Variants in CSMD1 observed in about 807,000 individuals in gnomAD.
The protein encoded by CSMD1 is CUB and sushi domain-containing protein 1.
A neutral mutation model predicts 417.5 loss-of-function variants in CSMD1; 213 were observed. The ratio of observed to expected loss-of-function variants is 0.51; its 90% confidence interval spans 0.46 to 0.57. The LOEUF (loss-of-function observed/expected upper bound fraction) is 0.57, where lower values mean the gene tolerates loss of function less well. CSMD1 is among the 20% of genes least tolerant of loss of function. The pLI, the probability that CSMD1 is intolerant of heterozygous loss-of-function variation, is 0.00. For missense variants in CSMD1, 6,923 were observed against 4,529.7 expected, an observed-to-expected ratio of 1.53 and a Z score of -15.17; for synonymous variants, 2,862 against 1,736.8, an observed-to-expected ratio of 1.65 and a Z score of -16.11.
chr8:4,701,696 A>T (rs918803342), intron 1 of CSMD1, among the ~76,000 whole-genome samples: 1 of 152,140 alleles, frequency 6.6e-6, no homozygotes, highest in Non-Finnish European at 1.5e-5. Context: ...TAAAAAAAAA[A>T]GTAGAGTGGT....
intron 2 of CSMD1, among the ~76,000 whole-genome samples, chr8:4,562,302 G>C (rs1356573208): frequency 6.6e-6 from 1 of 152,180 alleles, no homozygotes; most frequent in African/African-American, 2.4e-5. Context: ...TGGAGTGGAG[G>C]ACTCAGCAAG....
At chr8:4,553,117 C>T (rs1294664360) in intron 2 of CSMD1, among the ~76,000 whole-genome samples, 2 of 152,196 alleles carry the variant, frequency 1.3e-5, no homozygotes, top group Non-Finnish European at 2.9e-5. Flanking sequence ...TTTCGAGGTA[C>T]CTATGAGCCC....
At position 4,101,517 on chromosome 8, in the gene CSMD1, G is replaced by A. The variant is rs187345889; in HGVS notation, c.416-69418C>T. ...CAGTCACCCTGCAGTCACCAAATAT[G>A]CCGACCAGGAAACATACCTAAAAAA... On this transcript the variant is annotated intron_variant, in intron 3 of 69. Coordinates refer to ENST00000635120, the MANE Select transcript of CSMD1 (RefSeq NM_033225.6). Among the ~76,000 whole-genome samples the A allele has an allele frequency of 1.7e-3, 259 of 152,228 alleles. 2 individuals carry two copies. The highest frequency in any genetic ancestry group is 5.9e-3 in the African/African-American group (243 of 41,538).
chr8:4,895,697 T>C (rs1172038789), intron 1 of CSMD1, among the ~76,000 whole-genome samples: 2 of 152,034 alleles, frequency 1.3e-5, no homozygotes, highest in Admixed American at 6.5e-5. Context: ...TCCCTGATTT[T>C]TTTTTTTCTC....
At chr8:3,095,746 T>C (rs1324102738) in intron 47 of CSMD1, among the ~76,000 whole-genome samples, 2 of 152,200 alleles carry the variant, frequency 1.3e-5, no homozygotes, top group African/African-American at 4.8e-5. Flanking sequence ...CAGCCATAAT[T>C]GTAACTGGTC....
intron 1 of CSMD1, among the ~76,000 whole-genome samples, chr8:4,766,894 T>A (rs2117125775): frequency 6.6e-6 from 1 of 152,324 alleles, no homozygotes; most frequent in Admixed American, 6.5e-5. Context: ...GTTGATATTT[T>A]CCGCAGGGCT....
At chr8:3,256,249 C>T (rs559658557) in intron 26 of CSMD1, among the ~76,000 whole-genome samples, 2 of 146,530 alleles carry the variant, frequency 1.4e-5, no homozygotes, top group African/African-American at 2.5e-5. Flanking sequence ...ATTGCTTGAA[C>T]CTGGGAGGCA....
intron 8 of CSMD1, among the ~76,000 whole-genome samples, chr8:3,593,396 C>T (rs529802465): frequency 6.6e-6 from 1 of 152,182 alleles, no homozygotes. Context: ...AGCCCATGAG[C>T]CTCCCCCAGG....
rs139934349 is a variant in CSMD1 at position 3,781,946 on chromosome 8, T to A, written c.819-27904A>T. 7.2e-5 allele frequency among the ~76,000 whole-genome samples: 11 copies of A among 152,264 alleles called. 2 individuals are homozygous for A. Among genetic ancestry groups the A allele is most frequent in the African/African-American group, 2.6e-4 (11 of 41,550 alleles). ...AAGAACTATAATCTCACATGCCAAC[T>A]CCATTAAAAAAGGAGTATGTGGTAA... On this transcript the variant is annotated intron_variant, in intron 5 of 69. Transcript: ENST00000635120.
chr8:3,428,670 A>G (rs1336968500), intron 12 of CSMD1, among the ~76,000 whole-genome samples: 1 of 152,142 alleles, frequency 6.6e-6, no homozygotes, highest in Non-Finnish European at 1.5e-5. Flanking sequence ...AGTAAAAAAG[A>G]ACTATCATAT....
chr8:3,778,130 A>G (rs1294300970), intron 5 of CSMD1, among the ~76,000 whole-genome samples: 1 of 152,224 alleles, frequency 6.6e-6, no homozygotes, highest in Non-Finnish European at 1.5e-5. Flanking sequence ...TTTGAGACTC[A>G]GTTTGGAGTC....
At chr8:3,298,906 GGT>G (rs1563242891) in intron 25 of CSMD1, among the ~76,000 whole-genome samples, 3 of 152,158 alleles carry the variant, frequency 2.0e-5, no homozygotes, top group East Asian at 1.9e-4. Flanking sequence ...GTTACATGGG[GGT>G]GTTTCTTTTG....
chr8:3,090,726 A>C (rs1355985785), intron 48 of CSMD1, among the ~76,000 whole-genome samples: 1 of 152,218 alleles, frequency 6.6e-6, no homozygotes, highest in Non-Finnish European at 1.5e-5. Flanking sequence ...ATAACTTGAA[A>C]GCTGTCAAGG....
intron 5 of CSMD1, among the ~76,000 whole-genome samples, chr8:3,898,493 T>C (rs1241690486): frequency 6.6e-6 from 1 of 152,244 alleles, no homozygotes; most frequent in African/African-American, 2.4e-5. Flanking sequence ...GTACAAAACC[T>C]ACTGTTCCAG....
chr8:2,990,467 C>T (rs1239161268), intron 54 of CSMD1, among the ~76,000 whole-genome samples: 1 of 152,198 alleles, frequency 6.6e-6, no homozygotes, highest in Non-Finnish European at 1.5e-5. Flanking sequence ...CCCCATTTTC[C>T]ATAGCCCCTG....
rs1409598414 is a variant in CSMD1 at position 4,284,843 on chromosome 8, C to G, written c.415+135110G>C. On this transcript the variant is annotated intron_variant, in intron 3 of 69. Coordinates refer to ENST00000635120, the MANE Select transcript of CSMD1 (RefSeq NM_033225.6). ...GGCCGTGTTCAAAAACAAAACAAAA[C>G]AAAGAAACAAAAACAAAAAAAAACT... Among the ~76,000 whole-genome samples the G allele has an allele frequency of 2.0e-5, 3 of 151,938 alleles. No homozygotes were observed. The East Asian group carries it at 5.8e-4, about 29-fold the overall frequency.
At chr8:4,652,782 T>C (rs992313613) in intron 1 of CSMD1, among the ~76,000 whole-genome samples, 4 of 152,178 alleles carry the variant, frequency 2.6e-5, no homozygotes, top group Non-Finnish European at 5.9e-5. Flanking sequence ...ACAATTTTTC[T>C]GTGAAGGGTG....
chr8:3,246,072 C>G lies in CSMD1; in HGVS notation c.4154-15841G>C, dbSNP rs566713405. On this transcript the variant is annotated intron_variant, in intron 26 of 69. Coordinates refer to ENST00000635120, the MANE Select transcript of CSMD1 (RefSeq NM_033225.6). ...CTTCTTGTCTACCCCCAGTGCAATC[C>G]ATTCTCTGCACTGCATCTAGGAAGA... Among the ~76,000 whole-genome samples, 4 of 152,274 alleles carry G rather than the reference C, an allele frequency of 2.6e-5. No homozygotes were observed. The South Asian group carries it at 8.3e-4, about 32-fold the overall frequency.
At chr8:3,396,160 C>T (rs375543847) in intron 17 of CSMD1, 34 bp downstream of exon 17, 2 of 1,533,090 alleles carry the variant, frequency 1.3e-6, no homozygotes, top group Non-Finnish European at 1.8e-6. Context: ...ATGCATGCTG[C>T]CCTGCCGGGC....
Sources: allele counts gnomAD v4.1 joint callset (sites outside exome capture counted in the v4.1 genomes callset), GRCh38; gene constraint gnomAD v4.1.1; transcripts MANE v1.5; gene names NCBI Gene and HGNC (gene_info 2026-07-23, HGNC 2026-07-21).